MACROD2: variants seen among roughly 807,000 people sequenced by gnomAD.
MACROD2 encodes the protein ADP-ribose glycohydrolase MACROD2.
In MACROD2, 36 loss-of-function variants were observed where a neutral mutation model predicts 70.4. The observed-to-expected ratio is 0.51, with a 90% confidence interval of 0.39 to 0.68. The LOEUF (loss-of-function observed/expected upper bound fraction) is 0.68. Among genes scored for constraint, MACROD2 ranks in the 30% least tolerant of loss-of-function variants. The pLI is 0.00. For missense variants in MACROD2, 496 were observed against 538.4 expected, an observed-to-expected ratio of 0.92 and a Z score of 0.78; for synonymous variants, 172 against 178.8, an observed-to-expected ratio of 0.96 and a Z score of 0.30.
intron 5 of MACROD2, among the ~76,000 whole-genome samples, chr20:14,818,323 T>G (rs1224200183): frequency 6.6e-6 from 1 of 152,056 alleles, no homozygotes; most frequent in African/African-American, 2.4e-5. Context: ...ATTTACTTCG[T>G]CTACTATGAG....
intron 8 of MACROD2, among the ~76,000 whole-genome samples, chr20:15,773,108 G>A (rs1448819005): frequency 6.6e-6 from 1 of 152,104 alleles, no homozygotes; most frequent in Non-Finnish European, 1.5e-5. Context: ...TAATCAGGAG[G>A]TTGCTATTAT....
intron 8 of MACROD2, among the ~76,000 whole-genome samples, chr20:15,816,761 A>C (rs2063880535): frequency 6.6e-6 from 1 of 152,216 alleles, no homozygotes; most frequent in African/African-American, 2.4e-5. Flanking sequence ...GTCCAGATGC[A>C]AAGAAAGGAT....
intron 6 of MACROD2, among the ~76,000 whole-genome samples, chr20:15,426,104 G>A (rs1036805686): frequency 1.3e-5 from 2 of 151,292 alleles, no homozygotes; most frequent in African/African-American, 2.4e-5. Flanking sequence ...GAAAACCAGA[G>A]ACCTTTGTTC....
At chr20:14,985,983 T>G (rs1038239422) in intron 5 of MACROD2, among the ~76,000 whole-genome samples, 3 of 152,088 alleles carry the variant, frequency 2.0e-5, no homozygotes, top group Non-Finnish European at 2.9e-5. Context: ...TGCAACATAT[T>G]TGGGAGTGGT....
intron 5 of MACROD2, among the ~76,000 whole-genome samples, chr20:14,706,312 TA>T (rs11477206): frequency 0.098 from 13,731 of 139,562 alleles, 817 homozygotes; most frequent in South Asian, 0.26. Flanking sequence ...GATTCTATAT[TA>T]AAAAAAAAAA....
rs566835560 is a variant in MACROD2, at chr20:15,286,418, A to G, written c.540+56357A>G. ...CATATCATGTCTTTAGTCTGAAAAT[A>G]TTTATTGAATACTAATGATGCACTA... On this transcript the variant is annotated intron_variant, in intron 6 of 17. Transcript: ENST00000684519. 1.2e-3 allele frequency among the ~76,000 whole-genome samples: 177 copies of G among 150,442 alleles called. 1 individual carries two copies. The highest frequency in any genetic ancestry group is 0.01 in the Middle Eastern group (3 of 288).
chr20:15,698,484 T>G (rs558906839), intron 8 of MACROD2, among the ~76,000 whole-genome samples: 1 of 152,340 alleles, frequency 6.6e-6, no homozygotes, highest in African/African-American at 2.4e-5. Flanking sequence ...TTACTGGTGC[T>G]GCTGTCTCAC....
chr20:14,205,543 C>T (rs866236460), intron 3 of MACROD2, among the ~76,000 whole-genome samples: 1 of 152,160 alleles, frequency 6.6e-6, no homozygotes. Flanking sequence ...CGCATGCGGG[C>T]CCTTAGTCTG....
chr20:14,577,419 G>A (rs541219111), intron 4 of MACROD2, among the ~76,000 whole-genome samples: 2 of 152,006 alleles, frequency 1.3e-5, no homozygotes, highest in East Asian at 1.9e-4. Flanking sequence ...GACCTAAAAG[G>A]GATTATAATA....
intron 5 of MACROD2, among the ~76,000 whole-genome samples, chr20:15,000,143 A>G (rs1168049329): frequency 6.6e-6 from 1 of 152,224 alleles, no homozygotes; most frequent in Non-Finnish European, 1.5e-5. Context: ...AAAGCCTTGA[A>G]GGGCAAATAT....
chr20:15,590,363 G>GT (rs754202024), intron 8 of MACROD2, among the ~76,000 whole-genome samples: 3 of 152,160 alleles, frequency 2.0e-5, no homozygotes, highest in Admixed American at 6.5e-5. Context: ...CTTTCTTACA[G>GT]TTGCACAGCA....
chr20:15,391,613 T>C lies in MACROD2; in HGVS notation c.541-39792T>C, dbSNP rs181433036. 3.0e-3 allele frequency among the ~76,000 whole-genome samples: 462 copies of C among 152,340 alleles called. 11 individuals carry two copies. Among genetic ancestry groups the C allele is most frequent in the Admixed American group, 0.028 (436 of 15,302 alleles). On this transcript the variant is annotated intron_variant, in intron 6 of 17. Coordinates refer to ENST00000684519, the MANE Select transcript of MACROD2 (RefSeq NM_001351661.2). ...ATGGCAGTTACAAGAAGGGCATTTA[T>C]TGGGATTTCTGGGAAGTCACCAAGA...
chr20:14,482,951 C>T (rs982198925), intron 3 of MACROD2, among the ~76,000 whole-genome samples: 9 of 152,084 alleles, frequency 5.9e-5, no homozygotes, highest in South Asian at 4.2e-4. Context: ...TTAACCTCTC[C>T]GTGTTCCAAT....
At chr20:15,293,086 T>G (rs181773959) in intron 6 of MACROD2, among the ~76,000 whole-genome samples, 64 of 152,360 alleles carry the variant, frequency 4.2e-4, no homozygotes, top group African/African-American at 1.5e-3. Context: ...TGCTATGAGA[T>G]TCTTTCTAAC....
chr20:15,385,330 A>G (rs1004379371), intron 6 of MACROD2, among the ~76,000 whole-genome samples: 1 of 152,232 alleles, frequency 6.6e-6, no homozygotes, highest in South Asian at 2.1e-4. Flanking sequence ...AATCATAGAA[A>G]GCATTCTCCT....
At chr20:14,057,052 T>G (rs564792961) in intron 2 of MACROD2, among the ~76,000 whole-genome samples, 1 of 152,270 alleles carries the variant, frequency 6.6e-6, no homozygotes, top group East Asian at 1.9e-4. Flanking sequence ...CATGTGGATA[T>G]CCAAATGGGA....
intron 8 of MACROD2, among the ~76,000 whole-genome samples, chr20:15,729,444 G>GT (rs1196406630): frequency 2.0e-5 from 3 of 152,072 alleles, no homozygotes; most frequent in African/African-American, 7.2e-5. Flanking sequence ...ATCTTTGTTA[G>GT]TTTTTTGCGT....
chr20:14,923,933 G>A (rs2074196286), intron 5 of MACROD2, among the ~76,000 whole-genome samples: 1 of 152,074 alleles, frequency 6.6e-6, no homozygotes, highest in Non-Finnish European at 1.5e-5. Flanking sequence ...ATGACTGGTG[G>A]TCATTAAAAA....
chr20:15,707,041 G>C (rs766377450), intron 8 of MACROD2, among the ~76,000 whole-genome samples: 1 of 152,174 alleles, frequency 6.6e-6, no homozygotes, highest in African/African-American at 2.4e-5. Context: ...CAGATAAAAA[G>C]TCATGGTTCT....
Sources: gnomAD v4.1 joint callset for allele counts (sites outside exome capture counted in the v4.1 genomes callset) on GRCh38, gnomAD v4.1.1 for gene constraint, MANE v1.5 for transcripts, NCBI Gene and HGNC (gene_info 2026-07-23, HGNC 2026-07-21) for gene names.